Variants in PPM1L observed in about 807,000 individuals in gnomAD.
PPM1L encodes the protein protein phosphatase, Mg2+/Mn2+ dependent 1L.
A neutral mutation model predicts 31.4 loss-of-function variants in PPM1L; 13 were observed. That is an observed-to-expected ratio of 0.41 (90% confidence interval 0.27 to 0.66). The LOEUF is 0.66. Ranked by LOEUF, PPM1L falls within the 30% of genes least tolerant of loss-of-function variation. PPM1L has a pLI of 0.29. For synonymous variants in PPM1L, 184 were observed against 175.4 expected (o/e 1.05, Z -0.39); for missense variants, 326 against 453.7 (o/e 0.72, Z 2.56).
intron 1 of PPM1L, among the ~76,000 whole-genome samples, chr3:160,905,634 T>C (rs1306880478): frequency 6.6e-6 from 1 of 152,178 alleles, no homozygotes; most frequent in Admixed American, 6.5e-5. Context: ...TTATAACAAG[T>C]GATTTTCGAG....
chr3:160,963,575 G>A (rs1716036989), intron 2 of PPM1L, among the ~76,000 whole-genome samples: 1 of 152,008 alleles, frequency 6.6e-6, no homozygotes, highest in Admixed American at 6.6e-5. Context: ...AGTGGAAATG[G>A]CTGAAATTTT....
intron 2 of PPM1L, among the ~76,000 whole-genome samples, chr3:161,046,916 A>G (rs1719099059): frequency 6.6e-6 from 1 of 152,176 alleles, no homozygotes; most frequent in Non-Finnish European, 1.5e-5. Context: ...CTCTCAATAA[A>G]TTCGGTATTG....
At chr3:160,844,113 C>A (rs1713996081) in intron 1 of PPM1L, among the ~76,000 whole-genome samples, 1 of 152,200 alleles carries the variant, frequency 6.6e-6, no homozygotes, top group Non-Finnish European at 1.5e-5. Flanking sequence ...TCTCCCTCTG[C>A]CACTCACCAC....
intron 1 of PPM1L, among the ~76,000 whole-genome samples, chr3:160,915,888 C>T (rs559267797): frequency 2.6e-5 from 4 of 152,258 alleles, no homozygotes; most frequent in African/African-American, 9.6e-5. Flanking sequence ...CCCTTCCTTA[C>T]ACCTTATACA....
At chr3:161,016,440 T>C (rs1379879458) in intron 2 of PPM1L, among the ~76,000 whole-genome samples, 4 of 152,162 alleles carry the variant, frequency 2.6e-5, no homozygotes, top group Admixed American at 1.3e-4. Context: ...ATTGGGTAAG[T>C]ATGTGTATGA....
intron 1 of PPM1L, among the ~76,000 whole-genome samples, chr3:160,930,220 T>C (rs761514325): frequency 1.6e-4 from 24 of 152,210 alleles, no homozygotes; most frequent in Middle Eastern, 3.4e-3. Context: ...TTCATGAACA[T>C]GTCTTGGTAT....
chr3:160,845,716 T>C (rs919015026), intron 1 of PPM1L, among the ~76,000 whole-genome samples: 1 of 151,990 alleles, frequency 6.6e-6, no homozygotes, highest in Non-Finnish European at 1.5e-5. Context: ...ATTATATAGG[T>C]TTGTGTTTTT....
chr3:160,770,418 T>C (rs1423379868), intron 1 of PPM1L, among the ~76,000 whole-genome samples: 2 of 152,170 alleles, frequency 1.3e-5, no homozygotes, highest in African/African-American at 2.4e-5. Flanking sequence ...TTTACTGATA[T>C]AGTGAAAGAT....
chr3:160,794,757 G>A (rs1398103970), intron 1 of PPM1L, among the ~76,000 whole-genome samples: 2 of 152,114 alleles, frequency 1.3e-5, no homozygotes, highest in Admixed American at 1.3e-4. Flanking sequence ...CATAAAATAC[G>A]CTAACATGAT....
chr3:160,921,114 A>G lies in PPM1L; in HGVS notation c.400-40622A>G, dbSNP rs556912389. ...TTAGGCAATTCCTGCTTTTCACTATAGTATGTTCCTGTAAAGAATAACAGA... is the reference window on the plus strand; with the variant it reads ...TTAGGCAATTCCTGCTTTTCACTATGGTATGTTCCTGTAAAGAATAACAGA... On this transcript the variant is annotated intron_variant, in intron 1 of 3. Transcript: ENST00000498165. Among the ~76,000 whole-genome samples, 7 of 152,354 alleles carry G rather than the reference A, an allele frequency of 4.6e-5. No homozygotes were observed. The East Asian group carries it at 1.3e-3, about 29-fold the overall frequency.
At chr3:160,873,224 A>G (rs1576682511) in intron 1 of PPM1L, among the ~76,000 whole-genome samples, 1 of 152,222 alleles carries the variant, frequency 6.6e-6, no homozygotes. Flanking sequence ...TCTAGGTTCT[A>G]ACAAGCATAT....
At chr3:161,039,210 T>G (rs1254660966) in intron 2 of PPM1L, among the ~76,000 whole-genome samples, 2 of 152,220 alleles carry the variant, frequency 1.3e-5, no homozygotes, top group Non-Finnish European at 2.9e-5. Context: ...TGGCTTTCAC[T>G]TTGCACTGTG....
chr3:160,786,889 G>A (rs149230753), intron 1 of PPM1L, among the ~76,000 whole-genome samples: 1 of 152,052 alleles, frequency 6.6e-6, no homozygotes, highest in East Asian at 1.9e-4. Context: ...TAGGATAATG[G>A]CCTCTAGCTG....
At chr3:160,812,465 A>G (rs1190071524) in intron 1 of PPM1L, among the ~76,000 whole-genome samples, 1 of 152,186 alleles carries the variant, frequency 6.6e-6, no homozygotes, top group African/African-American at 2.4e-5. Context: ...ACGTCTAGGT[A>G]CTTTTCATAG....
intron 2 of PPM1L, among the ~76,000 whole-genome samples, chr3:160,999,339 A>G (rs763370351): frequency 1.1e-4 from 17 of 152,168 alleles, no homozygotes; most frequent in Non-Finnish European, 1.9e-4. Flanking sequence ...AAAGCTTAAG[A>G]TCATACTGTG....
At chr3:160,834,476 TG>T (rs1713634080) in intron 1 of PPM1L, among the ~76,000 whole-genome samples, 1 of 36,312 alleles carries the variant, frequency 2.8e-5, no homozygotes, top group African/African-American at 3.9e-4. Flanking sequence ...TGTGTATGTG[TG>T]TGTGTGTGTG....
rs954658305 is a variant in PPM1L at position 160,977,970 on chromosome 3, G to A, written c.574+16060G>A. On this transcript the variant is annotated intron_variant, in intron 2 of 3. Coordinates refer to ENST00000498165, the MANE Select transcript of PPM1L (RefSeq NM_139245.4). Reference sequence around the variant, plus strand: ...CATTGAACAACATTGTCTTAGTCTGGGTTCCTCAAATGTAGAGCCTGAAGC... The same window carrying A: ...CATTGAACAACATTGTCTTAGTCTGAGTTCCTCAAATGTAGAGCCTGAAGC... Among the ~76,000 whole-genome samples, 3 of 152,108 alleles carry A rather than the reference G, an allele frequency of 2.0e-5. 1 individual carries two copies. The highest frequency in any genetic ancestry group is 7.2e-5 in the African/African-American group (3 of 41,414).
chr3:160,841,465 G>A (rs529334690), intron 1 of PPM1L, among the ~76,000 whole-genome samples: 5 of 152,170 alleles, frequency 3.3e-5, no homozygotes, highest in Non-Finnish European at 7.4e-5. Flanking sequence ...ATATGAAATG[G>A]TGATTGCCAG....
chr3:160,931,699 A>C (rs916867513), intron 1 of PPM1L, among the ~76,000 whole-genome samples: 2 of 152,228 alleles, frequency 1.3e-5, no homozygotes, highest in Non-Finnish European at 2.9e-5. Context: ...TATGTTCCTA[A>C]TTAAAATTAA....
Sources: allele counts gnomAD v4.1 joint callset (sites outside exome capture counted in the v4.1 genomes callset), GRCh38; gene constraint gnomAD v4.1.1; transcripts MANE v1.5; gene names NCBI Gene and HGNC (gene_info 2026-07-23, HGNC 2026-07-21).